Variants in LRRC4C observed in about 807,000 individuals in gnomAD.
LRRC4C encodes leucine rich repeat containing 4C.
LRRC4C carries 5 observed loss-of-function variants against 33.6 expected under a neutral mutation model. That is an observed-to-expected ratio of 0.15 (90% CI 0.08 to 0.31). The LOEUF is 0.31. LRRC4C is among the 10% of genes least tolerant of loss of function. The pLI, the probability that LRRC4C is intolerant of heterozygous loss-of-function variation, is 1.00. For synonymous variants in LRRC4C, 329 were observed against 302.0 expected, an observed-to-expected ratio of 1.09 and a Z score of -0.93; for missense variants, 560 against 796.7, an observed-to-expected ratio of 0.70 and a Z score of 3.58.
intron 3 of LRRC4C, among the ~76,000 whole-genome samples, chr11:40,466,359 A>T (rs944483898): frequency 6.6e-6 from 1 of 152,038 alleles, no homozygotes; most frequent in Non-Finnish European, 1.5e-5. Context: ...ACTAGACTTG[A>T]CCATGATGCA....
chr11:40,917,481 A>T (rs894856688), intron 2 of LRRC4C, among the ~76,000 whole-genome samples: 6 of 152,120 alleles, frequency 3.9e-5, no homozygotes, highest in African/African-American at 1.4e-4. Context: ...GTATGATTTC[A>T]ACTTATAAAA....
intron 3 of LRRC4C, among the ~76,000 whole-genome samples, chr11:40,454,379 A>T (rs1952037299): frequency 6.6e-6 from 1 of 152,016 alleles, no homozygotes; most frequent in African/African-American, 2.4e-5. Context: ...CAGGTAGTAA[A>T]CTTAGAGAAT....
intron 1 of LRRC4C, among the ~76,000 whole-genome samples, chr11:40,980,907 G>A (rs988795609): frequency 2.6e-5 from 4 of 152,146 alleles, no homozygotes; most frequent in South Asian, 4.1e-4. Context: ...CAGAGCCTAC[G>A]TAATAAACAG....
chr11:40,547,883 A>T (rs1956987648), intron 3 of LRRC4C, among the ~76,000 whole-genome samples: 1 of 152,148 alleles, frequency 6.6e-6, no homozygotes, highest in Non-Finnish European at 1.5e-5. Context: ...TTCAGCAAAC[A>T]TTTATTGAGC....
At chr11:41,132,316 T>C (rs1943051251) in intron 1 of LRRC4C, among the ~76,000 whole-genome samples, 1 of 152,164 alleles carries the variant, frequency 6.6e-6, no homozygotes, top group African/African-American at 2.4e-5. Context: ...TGTGGGTAGT[T>C]TGACCATAGA....
chr11:40,813,868 A>C (rs1951595748), intron 2 of LRRC4C, among the ~76,000 whole-genome samples: 5 of 152,188 alleles, frequency 3.3e-5, no homozygotes. Flanking sequence ...ATAATTGGAC[A>C]GTTCCAAAAT....
At chr11:40,215,960 C>T (rs1398817496) in intron 5 of LRRC4C, among the ~76,000 whole-genome samples, 1 of 152,124 alleles carries the variant, frequency 6.6e-6, no homozygotes, top group Non-Finnish European at 1.5e-5. Flanking sequence ...GGGAAAAGAT[C>T]TGTGAGCTGA....
chr11:40,391,487 T>G (rs1178015545), intron 3 of LRRC4C, among the ~76,000 whole-genome samples: 1 of 152,170 alleles, frequency 6.6e-6, no homozygotes, highest in Non-Finnish European at 1.5e-5. Flanking sequence ...GATGTACCAC[T>G]ATTGTCTCCA....
intron 1 of LRRC4C, among the ~76,000 whole-genome samples, chr11:41,212,921 C>A (rs765082554): frequency 6.6e-6 from 1 of 152,230 alleles, no homozygotes; most frequent in African/African-American, 2.4e-5. Context: ...TAAGGTAAAT[C>A]GTAAAGGCTT....
At chr11:41,019,995 T>C (rs1301811366) in intron 1 of LRRC4C, among the ~76,000 whole-genome samples, 2 of 152,190 alleles carry the variant, frequency 1.3e-5, no homozygotes, top group East Asian at 3.9e-4. Context: ...ATAGTTTCTA[T>C]TGCTGTACAG....
At chr11:40,669,613 C>A (rs571463364) in intron 2 of LRRC4C, among the ~76,000 whole-genome samples, 1 of 152,176 alleles carries the variant, frequency 6.6e-6, no homozygotes, top group African/African-American at 2.4e-5. Context: ...CACTTGTGTG[C>A]TTTCTACTAA....
intron 5 of LRRC4C, among the ~76,000 whole-genome samples, chr11:40,177,257 A>G (rs1860584101): frequency 6.6e-6 from 1 of 152,090 alleles, no homozygotes; most frequent in African/African-American, 2.4e-5. Context: ...CCGGGCTGCC[A>G]GAGTCTTTTT....
chr11:40,885,953 C>A (rs1955434302), intron 2 of LRRC4C, among the ~76,000 whole-genome samples: 1 of 151,990 alleles, frequency 6.6e-6, no homozygotes, highest in Non-Finnish European at 1.5e-5. Context: ...TAGGAGCAAG[C>A]AGACAGGCCT....
chr11:40,367,791 C>T (rs1280745975), intron 3 of LRRC4C, among the ~76,000 whole-genome samples: 2 of 152,224 alleles, frequency 1.3e-5, no homozygotes, highest in Non-Finnish European at 1.5e-5. Context: ...CTTTTCTCCA[C>T]AGCAGTTATC....
chr11:40,682,802 C>T (rs1944764291), intron 2 of LRRC4C, among the ~76,000 whole-genome samples: 1 of 148,190 alleles, frequency 6.7e-6, no homozygotes, highest in Non-Finnish European at 1.5e-5. Flanking sequence ...TCTGTTTATA[C>T]ACTCTTTCAC....
At chr11:40,335,554 G>A (rs775306259) in intron 3 of LRRC4C, among the ~76,000 whole-genome samples, 1 of 152,206 alleles carries the variant, frequency 6.6e-6, no homozygotes, top group African/African-American at 2.4e-5. Context: ...GATTAGGATG[G>A]AGAAGCAGAA....
intron 3 of LRRC4C, among the ~76,000 whole-genome samples, chr11:40,494,578 T>A (rs1396632794): frequency 6.6e-6 from 1 of 152,116 alleles, no homozygotes; most frequent in African/African-American, 2.4e-5. Flanking sequence ...ATGACATAAA[T>A]CAGACTTTGT....
intron 3 of LRRC4C, among the ~76,000 whole-genome samples, chr11:40,328,716 A>C (rs1946212074): frequency 6.6e-6 from 1 of 152,214 alleles, no homozygotes. Flanking sequence ...CCAGAGAATA[A>C]CTTTGATAAT....
chr11:40,546,373 T>G (rs1956924537), intron 3 of LRRC4C, among the ~76,000 whole-genome samples: 1 of 152,028 alleles, frequency 6.6e-6, no homozygotes, highest in South Asian at 2.1e-4. Flanking sequence ...TTTACCACCT[T>G]CTATCTGTAT....
Sources: allele counts gnomAD v4.1 joint callset (sites outside exome capture counted in the v4.1 genomes callset), GRCh38; gene constraint gnomAD v4.1.1; transcripts MANE v1.5; gene names NCBI Gene and HGNC (gene_info 2026-07-23, HGNC 2026-07-21).